The following ZC3H3 variants were observed in gnomAD, a reference collection of about 807,000 sequenced individuals.
ZC3H3 encodes zinc finger CCCH domain-containing protein 3.
ZC3H3 carries 36 observed loss-of-function variants against 77.3 expected under a neutral mutation model. That is an observed-to-expected ratio of 0.47 (90% confidence interval 0.36 to 0.61). The LOEUF (loss-of-function observed/expected upper bound fraction) is 0.61. Ranked by LOEUF, ZC3H3 falls within the 20% of genes least tolerant of loss-of-function variation. The pLI is 0.00. For missense variants in ZC3H3, 1,331 were observed against 1,312.2 expected (o/e 1.01, Z -0.22); for synonymous variants, 626 against 555.2 (o/e 1.13, Z -1.79).
chr8:143,480,392 C>T (rs981616923), intron 4 of ZC3H3, among the ~76,000 whole-genome samples: 1 of 152,252 alleles, frequency 6.6e-6, no homozygotes, highest in African/African-American at 2.4e-5. Flanking sequence ...CACACTCTAC[C>T]CACTCCGAGG....
At chr8:143,447,222 A>G (rs1586873825) in intron 9 of ZC3H3, among the ~76,000 whole-genome samples, 1 of 152,182 alleles carries the variant, frequency 6.6e-6, no homozygotes, top group Non-Finnish European at 1.5e-5. Flanking sequence ...CCCTAACCCC[A>G]CAGCCAGCAG....
intron 3 of ZC3H3, among the ~76,000 whole-genome samples, chr8:143,508,774 G>A (rs1451224895): frequency 1.5e-5 from 2 of 137,176 alleles, no homozygotes; most frequent in Non-Finnish European, 3.1e-5. Context: ...ACCCAGCCCA[G>A]CCCAGGGGAC....
chr8:143,498,903 GGAGGGGCACAGGACGGGGCA>G (rs1334807620), intron 4 of ZC3H3, among the ~76,000 whole-genome samples: 17 of 135,274 alleles, frequency 1.3e-4, no homozygotes, highest in South Asian at 5.1e-4. Flanking sequence ...AGGGCGGGGC[GGAGGGGCACAGGACGGGGCA>G]GAGGGGCACA....
intron 4 of ZC3H3, among the ~76,000 whole-genome samples, chr8:143,497,626 C>T (rs1278134362): frequency 2.0e-5 from 3 of 152,206 alleles, no homozygotes; most frequent in South Asian, 2.1e-4. Flanking sequence ...AGAGCACAGA[C>T]GCAATGCTGC....
intron 4 of ZC3H3, among the ~76,000 whole-genome samples, chr8:143,483,684 G>C (rs565788146): frequency 1.8e-4 from 28 of 152,296 alleles, no homozygotes; most frequent in Non-Finnish European, 4.0e-4. Flanking sequence ...CTGACTACGT[G>C]GTGGCCACGC....
chr8:143,516,562 C>CACAT (rs1400925855), intron 3 of ZC3H3, among the ~76,000 whole-genome samples: 1 of 96,880 alleles, frequency 1.0e-5, no homozygotes, highest in Non-Finnish European at 2.1e-5. Flanking sequence ...CACACACACA[C>CACAT]ACACATACAC....
chr8:143,453,463 G>A (rs938046662), intron 9 of ZC3H3, among the ~76,000 whole-genome samples: 2 of 152,128 alleles, frequency 1.3e-5, no homozygotes, highest in African/African-American at 4.8e-5. Context: ...GAGGACATAA[G>A]GAAGAGGCAT....
At chr8:143,487,618 C>T (rs1821086229) in intron 4 of ZC3H3, among the ~76,000 whole-genome samples, 1 of 35,644 alleles carries the variant, frequency 2.8e-5, no homozygotes, top group African/African-American at 9.9e-5. Context: ...CAGAACAGCA[C>T]CCGCTACACG....
At chr8:143,507,073 GCAC>G (rs1821719404) in intron 4 of ZC3H3, among the ~76,000 whole-genome samples, 1 of 152,230 alleles carries the variant, frequency 6.6e-6, no homozygotes, top group Admixed American at 6.5e-5. Context: ...TGGAGATGGG[GCAC>G]CACCACCACA....
At position 143,477,226 on chromosome 8, in the gene ZC3H3, C is replaced by T. The variant is rs577288934; in HGVS notation, c.1716-1641G>A. Among the ~76,000 whole-genome samples, 17 of 152,350 alleles carry T rather than the reference C, an allele frequency of 1.1e-4. No homozygotes were observed. The East Asian group carries it at 2.9e-3, about 26-fold the overall frequency. The stretch of plus-strand genomic sequence containing the variant: ...GAGAGCCCGGTGCCGGGGATGGGAG[C>T]TGCAGTGTAAGTACAAGCACGGCGG... On this transcript the variant is annotated intron_variant, in intron 4 of 11. Transcript: ENST00000262577.
rs765609228 is a variant in ZC3H3, at chr8:143,539,117, A to T, written c.250T>A (p.Ser84Thr). 6.2e-7 allele frequency: 1 copy of T among 1,612,506 alleles called. No individual in the cohort carries two copies. The highest frequency in any genetic ancestry group is 1.1e-5 in the South Asian group (1 of 91,056). ...YSLVNRPPGPSDPPADHAVRP... is the reference protein window; with the variant it reads ...YSLVNRPPGPTDPPADHAVRP... ...ACAGCATGGTCGGCAGGAGGGTCTGAGGGTCCCGGGGGCCGATTCACGAGG... is the reference window on the plus strand; with the variant it reads ...ACAGCATGGTCGGCAGGAGGGTCTGTGGGTCCCGGGGGCCGATTCACGAGG... The change falls in exon 2 of 12, where the codon TCA (serine) becomes ACA (threonine). Residue 84 changes from serine (S) to threonine (T), a missense_variant. By Grantham distance (58) the Ser-to-Thr change is moderately conservative. Coordinates refer to ENST00000262577, the MANE Select transcript of ZC3H3 (RefSeq NM_015117.3).
At chr8:143,478,854 C>T (rs1244653764) in intron 4 of ZC3H3, among the ~76,000 whole-genome samples, 1 of 152,240 alleles carries the variant, frequency 6.6e-6, no homozygotes, top group Admixed American at 6.5e-5. Context: ...TTAGCTTGTC[C>T]CCTTCTCTTC....
chr8:143,534,683 G>A (rs1441881315), intron 3 of ZC3H3, among the ~76,000 whole-genome samples: 1 of 152,054 alleles, frequency 6.6e-6, no homozygotes, highest in Non-Finnish European at 1.5e-5. Context: ...ACCGCCAACT[G>A]TCCAAGCCAC....
intron 4 of ZC3H3, among the ~76,000 whole-genome samples, chr8:143,495,874 T>C (rs1331809084): frequency 6.6e-6 from 1 of 151,958 alleles, no homozygotes; most frequent in African/African-American, 2.4e-5. Context: ...CGTGCTGTGA[T>C]TACAGGTGCA....
chr8:143,504,957 T>G (rs1029489046), intron 4 of ZC3H3, among the ~76,000 whole-genome samples: 11 of 152,244 alleles, frequency 7.2e-5, no homozygotes, highest in Admixed American at 5.2e-4. Flanking sequence ...GCTAAGGCTC[T>G]GAGGGCAAGA....
At chr8:143,523,673 C>T (rs907755533) in intron 3 of ZC3H3, among the ~76,000 whole-genome samples, 16 of 152,346 alleles carry the variant, frequency 1.1e-4, no homozygotes, top group African/African-American at 3.1e-4. Flanking sequence ...GAAGTGGCCA[C>T]CGCCAGGCTT....
chr8:143,454,120 GC>G (rs1820055624), intron 9 of ZC3H3, among the ~76,000 whole-genome samples: 2 of 144,232 alleles, frequency 1.4e-5, no homozygotes, highest in Non-Finnish European at 3.0e-5. Flanking sequence ...CACTCTTGTT[GC>G]CCAGGGCTGG....
Position 143,495,842 on chromosome 8 carries a change from T to G in ZC3H3, c.1715+11904A>C, listed in dbSNP as rs429060. 8.3e-3 allele frequency among the ~76,000 whole-genome samples: 1,253 copies of G among 151,348 alleles called. 9 individuals carry two copies. Among genetic ancestry groups the G allele is most frequent in the African/African-American group, 0.029 (1,186 of 41,234 alleles). On this transcript the variant is annotated intron_variant, in intron 4 of 11. Transcript: ENST00000262577. ...GGTCTTGAACTCGCAGGCTCAGCTA[T>G]CCTCCTGTCTCAGCCTCCCAACGTG...
In ZC3H3 at chr8:143,486,401, T is replaced by C. The variant is rs202020359; in HGVS notation, c.1716-10816A>G. 2.0e-5 allele frequency among the ~76,000 whole-genome samples: 3 copies of C among 152,224 alleles called. No homozygotes were observed. In the East Asian group the frequency reaches 5.8e-4, roughly 29 times the overall value. On this transcript the variant is annotated intron_variant, in intron 4 of 11. Coordinates refer to ENST00000262577, the MANE Select transcript of ZC3H3 (RefSeq NM_015117.3). ...TCTGGTGAGGTCTCCCTTCCTGGCT[T>C]GTACTGTCCTCCCGTGGCTTTTCCT...
Sources: gnomAD v4.1 joint callset for allele counts (sites outside exome capture counted in the v4.1 genomes callset) on GRCh38, gnomAD v4.1.1 for gene constraint, MANE v1.5 for transcripts, NCBI Gene and HGNC (gene_info 2026-07-23, HGNC 2026-07-21) for gene names.